The following TRPM3 variants were observed in gnomAD, a reference collection of about 807,000 sequenced individuals.
TRPM3 encodes long transient receptor potential channel 3.
In TRPM3, 77 loss-of-function variants were observed where a neutral mutation model predicts 181.2. That is an observed-to-expected ratio of 0.42 (90% CI 0.35 to 0.51). The LOEUF (loss-of-function observed/expected upper bound fraction) is 0.51, where lower values mean the gene tolerates loss of function less well. Ranked by LOEUF, TRPM3 falls within the 20% of genes least tolerant of loss-of-function variation. TRPM3 has a pLI of 0.01. For synonymous variants in TRPM3, 745 were observed against 796.4 expected (o/e 0.94, Z 1.09); for missense variants, 1,759 against 2,196.7 (o/e 0.80, Z 3.98).
At chr9:71,314,192 C>G (rs1280751562) in intron 1 of TRPM3, among the ~76,000 whole-genome samples, 1 of 152,052 alleles carries the variant, frequency 6.6e-6, no homozygotes, top group Admixed American at 6.6e-5. Flanking sequence ...GGAGTTTTTT[C>G]CTCAATAATA....
In TRPM3 at chr9:70,535,668, G is replaced by A; in HGVS notation, c.*285C>T. ...GCTCTCATGGCTTTCTGCTGTGACT[G>A]CGGATACACATTCATCTCTAACCCT... On this transcript the variant is annotated 3_prime_UTR_variant, in exon 26 of 26. Transcript: ENST00000677713. The A allele has an allele frequency of 6.9e-7, 1 of 1,440,614 alleles. No individual in the cohort carries two copies. The highest frequency in any genetic ancestry group is 9.0e-7 in the Non-Finnish European group (1 of 1,105,068). 89.2% of individuals were successfully genotyped at this position (1,440,614 alleles called of 1,614,324 possible). A position where few individuals can be genotyped will look rare whatever the true frequency, so the allele number is the denominator to read the frequency against.
intron 1 of TRPM3, among the ~76,000 whole-genome samples, chr9:71,414,698 G>T (rs1007658731): frequency 1.3e-5 from 2 of 152,038 alleles, no homozygotes; most frequent in Non-Finnish European, 2.9e-5. Flanking sequence ...TAGCTTACTG[G>T]AGAGGCATGA....
At chr9:70,674,058 A>G (rs1301683853) in intron 9 of TRPM3, among the ~76,000 whole-genome samples, 3 of 152,180 alleles carry the variant, frequency 2.0e-5, no homozygotes, top group Non-Finnish European at 4.4e-5. Flanking sequence ...GTATAAGGTT[A>G]AGAAAATAAT....
intron 1 of TRPM3, among the ~76,000 whole-genome samples, chr9:71,382,427 A>G (rs1469180637): frequency 6.6e-6 from 1 of 152,188 alleles, no homozygotes; most frequent in African/African-American, 2.4e-5. Context: ...AAATCATGCT[A>G]TTGGAAAATA....
intron 1 of TRPM3, among the ~76,000 whole-genome samples, chr9:71,297,608 A>T (rs551139240): frequency 1.3e-5 from 2 of 152,298 alleles, no homozygotes; most frequent in East Asian, 3.9e-4. Flanking sequence ...CTATCACAAG[A>T]CTAGCATAGG....
intron 21 of TRPM3, among the ~76,000 whole-genome samples, chr9:70,593,709 C>T (rs2058508401): frequency 6.6e-6 from 1 of 151,868 alleles, no homozygotes; most frequent in South Asian, 2.1e-4. Flanking sequence ...AGAAATAGAG[C>T]ATTATTAGTG....
intron 1 of TRPM3, among the ~76,000 whole-genome samples, chr9:71,173,450 T>C (rs1291770060): frequency 2.6e-5 from 4 of 152,176 alleles, no homozygotes; most frequent in Non-Finnish European, 5.9e-5. Flanking sequence ...TAAACATATG[T>C]GGAAAGGCAG....
chr9:70,821,386 C>T (rs1197602648), intron 6 of TRPM3, among the ~76,000 whole-genome samples: 1 of 152,056 alleles, frequency 6.6e-6, no homozygotes. Context: ...TGTAGGGTGG[C>T]TATAATAACA....
At chr9:71,173,136 A>G (rs1408696556) in intron 1 of TRPM3, among the ~76,000 whole-genome samples, 10 of 152,298 alleles carry the variant, frequency 6.6e-5, no homozygotes, top group Non-Finnish European at 1.5e-4. Context: ...TTACAACTAG[A>G]CTATATGTGC....
chr9:71,041,517 T>C (rs1035162318), intron 1 of TRPM3, among the ~76,000 whole-genome samples: 1 of 152,218 alleles, frequency 6.6e-6, no homozygotes, highest in African/African-American at 2.4e-5. Flanking sequence ...TGCATAAGTA[T>C]GTTTTTCTGA....
intron 1 of TRPM3, among the ~76,000 whole-genome samples, chr9:71,042,701 C>T (rs2058970029): frequency 6.6e-6 from 1 of 152,206 alleles, no homozygotes; most frequent in Non-Finnish European, 1.5e-5. Context: ...TGCCCTCTGA[C>T]AGCATTTGAT....
chr9:71,400,606 CTT>C (rs1452513907), intron 1 of TRPM3, among the ~76,000 whole-genome samples: 1 of 151,874 alleles, frequency 6.6e-6, no homozygotes, highest in Non-Finnish European at 1.5e-5. Context: ...TTAATTTTAA[CTT>C]TTTCAATTTT....
At chr9:71,272,620 C>T (rs2083888556) in intron 1 of TRPM3, among the ~76,000 whole-genome samples, 1 of 152,080 alleles carries the variant, frequency 6.6e-6, no homozygotes, top group Admixed American at 6.6e-5. Flanking sequence ...GCTCACATAC[C>T]TGTACATAGT....
rs1273303881 is a variant in TRPM3, at chr9:70,535,362, TG to T, written c.*590del. ...CTGTTACCTTGTTTTTTCTTTATAA[TG>T]ATCAATTACAGAAGTGTTGGCATGA... On this transcript the variant is annotated 3_prime_UTR_variant, in exon 26 of 26. Transcript: ENST00000677713. 1.3e-6 allele frequency: 2 copies of T among 1,515,702 alleles called. No homozygotes were observed. Among genetic ancestry groups the T allele is most frequent in the Non-Finnish European group, 1.8e-6 (2 of 1,116,294 alleles). The allele number at this position is 1,515,702 out of a possible 1,614,324, so 93.9% of individuals were successfully genotyped here.
intron 1 of TRPM3, among the ~76,000 whole-genome samples, chr9:70,870,531 G>C (rs1046051322): frequency 3.0e-4 from 46 of 151,988 alleles, no homozygotes; most frequent in Admixed American, 3.0e-3. Flanking sequence ...ACACTCCCAA[G>C]CACTTATTCC....
chr9:71,365,403 CATCTT>C (rs1243887627), intron 1 of TRPM3, among the ~76,000 whole-genome samples: 2 of 152,120 alleles, frequency 1.3e-5, no homozygotes, highest in African/African-American at 4.8e-5. Flanking sequence ...TTATTTTTCT[CATCTT>C]ATAAAACTGT....
At chr9:71,363,535 G>C (rs758219056) in intron 1 of TRPM3, among the ~76,000 whole-genome samples, 1 of 152,128 alleles carries the variant, frequency 6.6e-6, no homozygotes, top group Non-Finnish European at 1.5e-5. Context: ...TCAACAAGTT[G>C]GTTTTGGTTT....
chr9:70,982,520 C>T (rs371845535), intron 1 of TRPM3, among the ~76,000 whole-genome samples: 3 of 152,248 alleles, frequency 2.0e-5, no homozygotes, highest in East Asian at 3.9e-4. Context: ...GTAGGTTACC[C>T]ACTTTCTTCT....
intron 1 of TRPM3, among the ~76,000 whole-genome samples, chr9:71,093,300 C>G (rs925519426): frequency 1.3e-5 from 2 of 152,014 alleles, no homozygotes; most frequent in Non-Finnish European, 2.9e-5. Context: ...AATAGGCAAC[C>G]TACAGAATGG....
Sources: gnomAD v4.1 joint callset for allele counts (sites outside exome capture counted in the v4.1 genomes callset) on GRCh38, gnomAD v4.1.1 for gene constraint, MANE v1.5 for transcripts, NCBI Gene and HGNC (gene_info 2026-07-23, HGNC 2026-07-21) for gene names.